Variants in CYP2E1 observed in about 807,000 individuals in gnomAD.
The protein encoded by CYP2E1 is cytochrome P450 2E1.
CYP2E1 carries 31 observed loss-of-function variants against 42.9 expected under a neutral mutation model. That is an observed-to-expected ratio of 0.72 (90% CI 0.54 to 0.98). CYP2E1 has a LOEUF of 0.98. CYP2E1 is among the 50% of genes least tolerant of loss of function. The probability of loss-of-function intolerance (pLI) is 0.00; values close to 1 mark genes in which losing one functional copy is unlikely to be tolerated. For missense variants in CYP2E1, 565 were observed against 633.2 expected (o/e 0.89, Z 1.16); for synonymous variants, 244 against 248.9 (o/e 0.98, Z 0.19).
chr10:133,528,666 C>CG (rs747719752), intron 2 of CYP2E1, 26 bp downstream of exon 2: 174 of 1,611,602 alleles, frequency 1.1e-4, no homozygotes, highest in Admixed American at 9.2e-4. Context: ...TGGCACGGAG[C>CG]GGGGGGTGCA....
Position 133,532,105 on chromosome 10 carries a change from C to T in CYP2E1, c.488-19C>T, listed in dbSNP as rs919286179. The T allele has an allele frequency of 5.0e-6, 8 of 1,608,576 alleles. No individual in the cohort carries two copies. The highest frequency in any genetic ancestry group is 1.1e-5 in the South Asian group (1 of 90,822). On this transcript the variant is annotated intron_variant, in intron 3 of 8. Coordinates refer to ENST00000252945, the MANE Select transcript of CYP2E1 (RefSeq NM_000773.4). ...TCCTCACCCCCATCTTCTGGTTGCC[C>T]TGACTGCCTGTTTTGTAGGCCAGCC...
rs1256621896 is a variant in CYP2E1 at position 133,538,883 on chromosome 10, G to T, written c.1401G>T (p.Lys467Asn). The T allele has an allele frequency of 1.2e-6, 2 of 1,613,984 alleles. No individual in the cohort carries two copies. The highest frequency in any genetic ancestry group is 1.7e-6 in the Non-Finnish European group (2 of 1,179,958). ...ATTTGAAGCCTCTCGTTGACCCAAA[G>T]GATATCGACCTCAGCCCTATACATA... The part of the protein sequence containing the change: ...HFNLKPLVDP[K>N]DIDLSPIHIG... Residue 467 changes from lysine to asparagine, a missense_variant, in exon 9 of 9, where the codon AAG (lysine) becomes AAT (asparagine). By Grantham distance (94) the Lys-to-Asn change is moderately conservative. Coordinates refer to ENST00000252945, the MANE Select transcript of CYP2E1 (RefSeq NM_000773.4).
At chr10:133,530,999 G>A (rs1015099790) in intron 2 of CYP2E1, among the ~76,000 whole-genome samples, 5 of 152,208 alleles carry the variant, frequency 3.3e-5, no homozygotes, top group Non-Finnish European at 7.3e-5. Flanking sequence ...GACAGGGCAG[G>A]GCCAGGCCTT....
intron 8 of CYP2E1, 106 bp downstream of exon 8, chr10:133,537,998 A>T (rs577784549): frequency 5.4e-6 from 6 of 1,111,724 alleles, no homozygotes; most frequent in Non-Finnish European, 7.7e-6. Flanking sequence ...TGACACCCCA[A>T]ACCTCACTGT....
At position 133,528,669 on chromosome 10, in the gene CYP2E1, G is replaced by C. The variant is rs529392665; in HGVS notation, c.337+29G>C. ...AGTCCGCGTCCCTGGCACGGAGCGG[G>C]GGGTGCATAACACGCCCCGGGACAG... On this transcript the variant is annotated intron_variant, in intron 2 of 8. Coordinates refer to ENST00000252945, the MANE Select transcript of CYP2E1 (RefSeq NM_000773.4). The C allele has an allele frequency of 5.6e-6, 9 of 1,611,784 alleles. No homozygotes were observed. In the South Asian group the frequency reaches 6.6e-5, roughly 12 times the overall value.
Position 133,532,802 on chromosome 10 carries a change from C to T in CYP2E1, c.759C>T (p.His253=), listed in dbSNP as rs200017188. 18 of 1,613,374 alleles carry T rather than the reference C, an allele frequency of 1.1e-5. No individual in the cohort carries two copies. In the East Asian group the frequency reaches 3.8e-4, roughly 34 times the overall value. The part of the protein sequence containing the change: ...KEYVSERVKE[H]HQSLDPNCPR... Reference sequence around the variant, plus strand: ...ATGTGTCTGAAAGGGTGAAGGAGCACCATCAATCTCTGGACCCCAACTGTC... The same window carrying T: ...ATGTGTCTGAAAGGGTGAAGGAGCATCATCAATCTCTGGACCCCAACTGTC... Residue 253 remains histidine, a synonymous_variant, in exon 5 of 9, where the codon CAC becomes CAT. Transcript: ENST00000252945.
In CYP2E1 at chr10:133,538,932, C is replaced by A. The variant is rs1451003704; in HGVS notation, c.1450C>A (p.Arg484Ser). 1.2e-6 allele frequency: 2 copies of A among 1,613,700 alleles called. No homozygotes were observed. The highest frequency in any genetic ancestry group is 2.7e-5 in the African/African-American group (2 of 74,894). ...TATTGGGTTTGGCTGTATCCCACCA[C>A]GTTACAAACTCTGTGTCATTCCCCG... The part of the protein sequence containing the change: ...IHIGFGCIPP[R>S]YKLCVIPRS The change falls in exon 9 of 9, where the codon CGT becomes AGT. Residue 484 changes from arginine (R) to serine (S), a missense_variant. Transcript: ENST00000252945.
At chr10:133,530,788 G>A (rs1371446013) in intron 2 of CYP2E1, among the ~76,000 whole-genome samples, 4 of 152,154 alleles carry the variant, frequency 2.6e-5, no homozygotes, top group Non-Finnish European at 5.9e-5. Flanking sequence ...GTGTAAAGGG[G>A]GTGTGGCTGG....
chr10:133,530,996 C>T (rs1851328782), intron 2 of CYP2E1, among the ~76,000 whole-genome samples: 1 of 152,204 alleles, frequency 6.6e-6, no homozygotes, highest in Non-Finnish European at 1.5e-5. Context: ...AGAGACAGGG[C>T]AGGGCCAGGC....
In CYP2E1 at chr10:133,527,703, C is replaced by A. The variant is rs140509815; in HGVS notation, c.177+131C>A. Reference sequence around the variant, plus strand: ...TGTTGTGAATTACCTGAATTGATAGCATCCTGGAGCGACACTCAAAATGTG... The same window carrying A: ...TGTTGTGAATTACCTGAATTGATAGAATCCTGGAGCGACACTCAAAATGTG... On this transcript the variant is annotated intron_variant, in intron 1 of 8. Transcript: ENST00000252945. 7.6e-4 allele frequency: 551 copies of A among 722,912 alleles called. 4 individuals carry two copies. In the Middle Eastern group the frequency reaches 0.015, roughly 19 times the overall value. The allele number at this position is 722,912 out of a possible 1,614,324, so 44.8% of individuals were successfully genotyped here.
At chr10:133,532,331 G>C (rs376604022) in intron 4 of CYP2E1, 47 bp downstream of exon 4, 15 of 1,567,826 alleles carry the variant, frequency 9.6e-6, no homozygotes, top group African/African-American at 1.4e-5. Flanking sequence ...TAGAGTTTAC[G>C]TTAGAAAAAG....
intron 1 of CYP2E1, among the ~76,000 whole-genome samples, chr10:133,527,846 A>AGG (rs1851288814): frequency 6.6e-6 from 1 of 152,286 alleles, no homozygotes; most frequent in African/African-American, 2.4e-5. Flanking sequence ...CTGCGACGCC[A>AGG]GGATAACCGG....
intron 6 of CYP2E1, among the ~76,000 whole-genome samples, chr10:133,536,247 T>G (rs1157703527): frequency 1.3e-5 from 2 of 152,116 alleles, no homozygotes; most frequent in Non-Finnish European, 2.9e-5. Context: ...TGCCAAAACA[T>G]CCAGTAAATA....
At chr10:133,538,509 C>T (rs2515642) in intron 8 of CYP2E1, among the ~76,000 whole-genome samples, 96,590 of 151,862 alleles carry the variant, frequency 0.64, 33,823 homozygotes, top group Non-Finnish European at 0.8. Flanking sequence ...TGGGCAGACA[C>T]GGTCTTCCCA....
Position 133,537,811 on chromosome 10 carries a change from C to G in CYP2E1, c.1216C>G (p.Pro406Ala), listed in dbSNP as rs200177135. 9.9e-6 allele frequency: 16 copies of G among 1,613,490 alleles called. No homozygotes were observed. The highest frequency in any genetic ancestry group is 1.4e-5 in the Non-Finnish European group (16 of 1,179,644). Residue 406 changes from proline (P) to alanine (A), a missense_variant, in exon 8 of 9, where the codon CCA (proline) becomes GCA (alanine). Transcript: ENST00000252945. ...GTATGACAACCAAGAATTTCCTGAT[C>G]CAGAAAAGTTTAAGCCAGAACACTT... ...VLYDNQEFPD[P>A]EKFKPEHFLN...
At chr10:133,533,004 C>T in intron 5 of CYP2E1, 136 bp downstream of exon 5, 2 of 847,304 alleles carry the variant, frequency 2.4e-6, no homozygotes, top group Non-Finnish European at 3.4e-6. Context: ...TACACACACT[C>T]TTGGCTTCAG....
chr10:133,532,755 AATGTGGCTGAAGTAAAAGAGT>A lies in CYP2E1; in HGVS notation c.718_738del (p.Ala240_Val246del). 1.9e-6 allele frequency: 3 copies of A among 1,613,530 alleles called. No homozygotes were observed. Among genetic ancestry groups the A allele is most frequent in the Non-Finnish European group, 2.5e-6 (3 of 1,179,838 alleles). On this transcript the variant is annotated inframe_deletion, in exon 5 of 9. Coordinates refer to ENST00000252945, the MANE Select transcript of CYP2E1 (RefSeq NM_000773.4). ...TGGAAGCCACAGAAAAGTCATAAAA[AATGTGGCTGAAGTAAAAGAGT>A]ATGTGTCTGAAAGGGTGAAGGAGCA...
intron 6 of CYP2E1, 28 bp from the exon 7 acceptor site, chr10:133,537,035 G>A: frequency 1.2e-6 from 2 of 1,601,264 alleles, no homozygotes; most frequent in Non-Finnish European, 1.7e-6. Context: ...ACCAATCCCT[G>A]AAATTTGTCC....
At chr10:133,533,483 C>G (rs1399184541) in intron 5 of CYP2E1, among the ~76,000 whole-genome samples, 1 of 152,184 alleles carries the variant, frequency 6.6e-6, no homozygotes, top group Non-Finnish European at 1.5e-5. Context: ...GAGCTATGAC[C>G]AAGGTCAGGG....
Sources: gnomAD v4.1 joint callset for allele counts (sites outside exome capture counted in the v4.1 genomes callset) on GRCh38, gnomAD v4.1.1 for gene constraint, MANE v1.5 for transcripts, NCBI Gene and HGNC (gene_info 2026-07-23, HGNC 2026-07-21) for gene names.